The following HS3ST5 variants were observed in gnomAD, a reference collection of about 807,000 sequenced individuals.
The protein encoded by HS3ST5 is heparan sulfate glucosamine 3-O-sulfotransferase 5.
A neutral mutation model predicts 25.4 loss-of-function variants in HS3ST5; 10 were observed. The observed-to-expected ratio is 0.39, with a 90% CI of 0.24 to 0.67. The LOEUF is 0.67. Among genes scored for constraint, HS3ST5 ranks in the 30% least tolerant of loss-of-function variants. HS3ST5 has a pLI of 0.44. For missense variants in HS3ST5, 324 were observed against 420.7 expected, an observed-to-expected ratio of 0.77 and a Z score of 2.01; for synonymous variants, 170 against 162.4, an observed-to-expected ratio of 1.05 and a Z score of -0.36.
At position 114,158,375 on chromosome 6, in the gene HS3ST5, T is replaced by C. The variant is rs1160212799; in HGVS notation, c.-33+9976A>G. ...GTATCTTAGGCAGAGGTTGGAAGAATACTCATCTTAAAATTGAAAAAACAT... is the reference window on the plus strand; with the variant it reads ...GTATCTTAGGCAGAGGTTGGAAGAACACTCATCTTAAAATTGAAAAAACAT... On this transcript the variant is annotated intron_variant, in intron 3 of 4. Coordinates refer to ENST00000312719, the MANE Select transcript of HS3ST5 (RefSeq NM_153612.4). Among the ~76,000 whole-genome samples the C allele has an allele frequency of 2.0e-5, 3 of 152,218 alleles. No homozygotes were observed. In the East Asian group the frequency reaches 5.8e-4, roughly 29 times the overall value.
chr6:114,214,644 C>T (rs932844996), intron 2 of HS3ST5, among the ~76,000 whole-genome samples: 1 of 152,212 alleles, frequency 6.6e-6, no homozygotes, highest in African/African-American at 2.4e-5. Flanking sequence ...TAATTAAATA[C>T]TGAGTTGTAT....
At position 114,085,906 on chromosome 6, in the gene HS3ST5, T is replaced by C. The variant is rs951136878; in HGVS notation, c.-32-23029A>G. Among the ~76,000 whole-genome samples, 7 of 151,582 alleles carry C rather than the reference T, an allele frequency of 4.6e-5. 1 individual carries two copies. Among genetic ancestry groups the C allele is most frequent in the African/African-American group, 1.7e-4 (7 of 41,214 alleles). On this transcript the variant is annotated intron_variant, in intron 3 of 4. Transcript: ENST00000312719. Reference sequence around the variant, plus strand: ...ATAAAAATTGCTTTTATTTTATTCATTTTCTCTTAAATTCATATAAATTCA... The same window carrying C: ...ATAAAAATTGCTTTTATTTTATTCACTTTCTCTTAAATTCATATAAATTCA...
At chr6:114,076,107 A>G (rs1351819841) in intron 3 of HS3ST5, among the ~76,000 whole-genome samples, 1 of 152,210 alleles carries the variant, frequency 6.6e-6, no homozygotes, top group Non-Finnish European at 1.5e-5. Context: ...AGGTAAGAAA[A>G]GGCAGAGACT....
intron 1 of HS3ST5, among the ~76,000 whole-genome samples, chr6:114,270,509 T>A (rs1773593788): frequency 1.3e-5 from 2 of 152,186 alleles, no homozygotes; most frequent in Non-Finnish European, 2.9e-5. Context: ...CCTAAAGTAC[T>A]GAAATAAATT....
chr6:114,139,004 T>C (rs746151332), intron 3 of HS3ST5, among the ~76,000 whole-genome samples: 1 of 152,146 alleles, frequency 6.6e-6, no homozygotes, highest in East Asian at 1.9e-4. Flanking sequence ...CACCCCCTAA[T>C]GTCCTCACCT....
chr6:114,333,969 C>A (rs1444296018), intron 1 of HS3ST5, among the ~76,000 whole-genome samples: 1 of 152,146 alleles, frequency 6.6e-6, no homozygotes, highest in Non-Finnish European at 1.5e-5. Flanking sequence ...CCATCAGTCC[C>A]ACATACAACC....
chr6:114,308,044 A>G (rs939898862), intron 1 of HS3ST5, among the ~76,000 whole-genome samples: 1 of 152,170 alleles, frequency 6.6e-6, no homozygotes, highest in Non-Finnish European at 1.5e-5. Context: ...ATTTTTATAC[A>G]TTGACATTGT....
At chr6:114,292,600 C>T (rs1469508080) in intron 1 of HS3ST5, among the ~76,000 whole-genome samples, 1 of 152,174 alleles carries the variant, frequency 6.6e-6, no homozygotes, top group Non-Finnish European at 1.5e-5. Flanking sequence ...TTAAGGCATA[C>T]ATTCAAGTGC....
chr6:114,081,079 A>G (rs1774427409), intron 3 of HS3ST5, among the ~76,000 whole-genome samples: 1 of 152,210 alleles, frequency 6.6e-6, no homozygotes, highest in Non-Finnish European at 1.5e-5. Flanking sequence ...GAGGAGAGGA[A>G]GAAAGACAAG....
In HS3ST5 at chr6:114,214,184, A is replaced by T. The variant is rs184272817; in HGVS notation, c.-145+14401T>A. Among the ~76,000 whole-genome samples the T allele has an allele frequency of 1.5e-4, 23 of 152,330 alleles. No homozygotes were observed. The East Asian group carries it at 4.2e-3, about 28-fold the overall frequency. On this transcript the variant is annotated intron_variant, in intron 2 of 4. Coordinates refer to ENST00000312719, the MANE Select transcript of HS3ST5 (RefSeq NM_153612.4). ...GCATTTATCACTTTTCAAACTTTTA[A>T]TCTGAAATAAATGTAGACTTACAGA...
At chr6:114,192,841 A>G (rs1264930571) in intron 2 of HS3ST5, among the ~76,000 whole-genome samples, 1 of 152,196 alleles carries the variant, frequency 6.6e-6, no homozygotes, top group African/African-American at 2.4e-5. Context: ...AGACTACCAC[A>G]GTTTCTCTGA....
chr6:114,112,130 A>C (rs1365549723), intron 3 of HS3ST5, among the ~76,000 whole-genome samples: 2 of 152,206 alleles, frequency 1.3e-5, no homozygotes, highest in African/African-American at 4.8e-5. Context: ...TGGCTACCTA[A>C]AGATGCCACG....
At chr6:114,168,815 G>T (rs1171193880) in intron 2 of HS3ST5, among the ~76,000 whole-genome samples, 1 of 152,138 alleles carries the variant, frequency 6.6e-6, no homozygotes, top group Non-Finnish European at 1.5e-5. Flanking sequence ...TTTTAGGTGA[G>T]AATGGTTAAA....
At chr6:114,191,602 G>A (rs1445955437) in intron 2 of HS3ST5, among the ~76,000 whole-genome samples, 1 of 152,138 alleles carries the variant, frequency 6.6e-6, no homozygotes. Context: ...CTTCATTTCT[G>A]TTTCAGCATT....
chr6:114,203,629 G>T (rs1781130965), intron 2 of HS3ST5, among the ~76,000 whole-genome samples: 1 of 152,118 alleles, frequency 6.6e-6, no homozygotes, highest in Admixed American at 6.6e-5. Context: ...ACCAAGGAAT[G>T]AAGTCAACTG....
intron 1 of HS3ST5, among the ~76,000 whole-genome samples, chr6:114,299,482 T>C (rs766552179): frequency 6.6e-6 from 1 of 152,122 alleles, no homozygotes; most frequent in Non-Finnish European, 1.5e-5. Flanking sequence ...CCTCCCCTTT[T>C]GAAAATCCCT....
At chr6:114,161,524 T>TATATATATATAC (rs1562220847) in intron 3 of HS3ST5, among the ~76,000 whole-genome samples, 24 of 16,292 alleles carry the variant, frequency 1.5e-3, no homozygotes, top group Non-Finnish European at 2.5e-3. Context: ...TGAAGTTTTA[T>TATATATATATAC]ATATATATAT....
At chr6:114,182,840 G>A (rs978636562) in intron 2 of HS3ST5, among the ~76,000 whole-genome samples, 3 of 152,174 alleles carry the variant, frequency 2.0e-5, no homozygotes, top group Admixed American at 6.5e-5. Flanking sequence ...CTTCCCAGAT[G>A]AGACTCACAT....
At chr6:114,271,445 A>G (rs1773633334) in intron 1 of HS3ST5, among the ~76,000 whole-genome samples, 1 of 152,076 alleles carries the variant, frequency 6.6e-6, no homozygotes, top group African/African-American at 2.4e-5. Context: ...TAAGAAATAT[A>G]ATCTAGCCCT....
Sources: allele counts gnomAD v4.1 joint callset (sites outside exome capture counted in the v4.1 genomes callset), GRCh38; gene constraint gnomAD v4.1.1; transcripts MANE v1.5; gene names NCBI Gene and HGNC (gene_info 2026-07-23, HGNC 2026-07-21).